MMP26: variants seen among roughly 807,000 people sequenced by gnomAD.
MMP26 encodes matrix metalloproteinase-26.
In MMP26, 33 loss-of-function variants were observed where a neutral mutation model predicts 31.0. The observed-to-expected ratio is 1.06, with a 90% CI of 0.81 to 1.42. MMP26 has a LOEUF of 1.42. MMP26 is among the 40% of genes most tolerant of loss of function. The pLI is 0.00. For synonymous variants in MMP26, 122 were observed against 114.9 expected, an observed-to-expected ratio of 1.06 and a Z score of -0.40; for missense variants, 347 against 316.1, an observed-to-expected ratio of 1.10 and a Z score of -0.74.
chr11:4,882,484 G>T, intron 2 of MMP26: 1 of 1,613,676 alleles, frequency 6.2e-7, no homozygotes, highest in East Asian at 2.2e-5. Flanking sequence ...CCAAACCTTG[G>T]ATCAGCAGTT....
chr11:4,864,149 G>A (rs1293533451), intron 2 of MMP26, among the ~76,000 whole-genome samples: 2 of 152,070 alleles, frequency 1.3e-5, no homozygotes, highest in Non-Finnish European at 2.9e-5. Flanking sequence ...TCTGGACTCC[G>A]CCCATCAGGA....
chr11:4,761,809 T>TGG (rs1848571552), intron 1 of MMP26, among the ~76,000 whole-genome samples: 2 of 152,198 alleles, frequency 1.3e-5, no homozygotes, highest in African/African-American at 4.8e-5. Context: ...GGTAATAGCA[T>TGG]AATGCCAGTT....
intron 2 of MMP26, chr11:4,769,028 T>C: frequency 6.5e-7 from 1 of 1,527,608 alleles, no homozygotes; most frequent in Non-Finnish European, 8.8e-7. Flanking sequence ...TTGTTTTGTT[T>C]TTACACTGTC....
chr11:4,795,718 A>T (rs996290185), intron 2 of MMP26, among the ~76,000 whole-genome samples: 1 of 152,206 alleles, frequency 6.6e-6, no homozygotes, highest in East Asian at 1.9e-4. Flanking sequence ...AAATTACTTT[A>T]TTATGCCTGT....
chr11:4,717,525 T>G (rs564249490), intron 1 of MMP26, among the ~76,000 whole-genome samples: 2,212 of 151,590 alleles, frequency 0.015, 58 homozygotes, highest in African/African-American at 0.051. Flanking sequence ...ATTTCCATGT[T>G]GTTTTTTTTT....
chr11:4,835,799 C>T (rs1322222316), intron 2 of MMP26, among the ~76,000 whole-genome samples: 1 of 152,106 alleles, frequency 6.6e-6, no homozygotes, highest in Non-Finnish European at 1.5e-5. Flanking sequence ...AAAGAAACTT[C>T]CAGCTATAAA....
rs1849604071 is a variant in MMP26 at position 4,828,255 on chromosome 11, C to G, written c.-145+60914C>G. Among the ~76,000 whole-genome samples the G allele has an allele frequency of 1.3e-5, 2 of 152,042 alleles. 1 individual carries two copies. The highest frequency in any genetic ancestry group is 4.1e-4 in the South Asian group (2 of 4,820). On this transcript the variant is annotated intron_variant, in intron 2 of 7. Transcript: ENST00000380390. Reference sequence around the variant, plus strand: ...TCTTCATTACCTGCTAAAAACTGCTCTAGGTTTAGGCTCAAGGTTTTCTGG... The same window carrying G: ...TCTTCATTACCTGCTAAAAACTGCTGTAGGTTTAGGCTCAAGGTTTTCTGG...
chr11:4,780,251 C>T (rs944207645), intron 2 of MMP26, among the ~76,000 whole-genome samples: 1 of 152,084 alleles, frequency 6.6e-6, no homozygotes, highest in Non-Finnish European at 1.5e-5. Flanking sequence ...GCAGTTTTAA[C>T]ATACATGACC....
chr11:4,799,186 A>C (rs1319500925), intron 2 of MMP26, among the ~76,000 whole-genome samples: 1 of 152,216 alleles, frequency 6.6e-6, no homozygotes, highest in Non-Finnish European at 1.5e-5. Flanking sequence ...TGAGACTTTA[A>C]GAAAATTACC....
intron 1 of MMP26, among the ~76,000 whole-genome samples, chr11:4,717,080 T>A (rs1847943921): frequency 6.6e-6 from 1 of 152,138 alleles, no homozygotes. Context: ...TCATGATGAT[T>A]TTCACTTATC....
At chr11:4,826,663 T>G (rs1217557304) in intron 2 of MMP26, among the ~76,000 whole-genome samples, 3 of 152,132 alleles carry the variant, frequency 2.0e-5, no homozygotes, top group East Asian at 3.9e-4. Flanking sequence ...TCTTCTCCTT[T>G]CAGTGTGCCT....
At chr11:4,764,489 C>A (rs1369353758) in intron 1 of MMP26, among the ~76,000 whole-genome samples, 1 of 152,104 alleles carries the variant, frequency 6.6e-6, no homozygotes, top group Non-Finnish European at 1.5e-5. Context: ...GTTAGGTATG[C>A]GACCCAAGCA....
chr11:4,953,986 G>A (rs1268634670), intron 2 of MMP26, among the ~76,000 whole-genome samples: 3 of 125,570 alleles, frequency 2.4e-5, no homozygotes, highest in South Asian at 2.4e-4. Context: ...CCTGGGAGGC[G>A]GAGGTTGCAG....
chr11:4,722,835 GAGCTGGAGCCGCGCCAGAGCCAA>G, intron 1 of MMP26: 1 of 895,824 alleles, frequency 1.1e-6, no homozygotes, highest in Non-Finnish European at 1.9e-6. Flanking sequence ...GTGGCTGAAG[GAGCTGGAGCCGCGCCAGAGCCAA>G]AGCTGGAGCC....
chr11:4,723,972 T>C, intron 1 of MMP26: 1 of 749,870 alleles, frequency 1.3e-6, no homozygotes, highest in Non-Finnish European at 2.4e-6. Flanking sequence ...TCTGGTTGAC[T>C]GTGTCAGTGG....
chr11:4,809,601 G>T (rs1208273050), intron 2 of MMP26, among the ~76,000 whole-genome samples: 1 of 152,172 alleles, frequency 6.6e-6, no homozygotes, highest in African/African-American at 2.4e-5. Flanking sequence ...TCACTTTGAG[G>T]TATCTGAAAA....
At chr11:4,967,268 T>C (rs72860822) in intron 2 of MMP26, among the ~76,000 whole-genome samples, 12,612 of 152,250 alleles carry the variant, frequency 0.083, 731 homozygotes, top group Middle Eastern at 0.22. Context: ...CTCTTTATAT[T>C]CAGCTCTCTT....
intron 2 of MMP26, chr11:4,943,091 C>G (rs982784316): frequency 1.9e-5 from 3 of 159,610 alleles, no homozygotes; most frequent in Non-Finnish European, 4.1e-5. Flanking sequence ...AAATGATGCT[C>G]CCCTTCGTCC....
chr11:4,819,944 T>C (rs1849472832), intron 2 of MMP26, among the ~76,000 whole-genome samples: 1 of 152,108 alleles, frequency 6.6e-6, no homozygotes, highest in Admixed American at 6.5e-5. Context: ...GGATACCTGA[T>C]TTTCTTGGCC....
Sources: gnomAD v4.1 joint callset for allele counts (sites outside exome capture counted in the v4.1 genomes callset) on GRCh38, gnomAD v4.1.1 for gene constraint, MANE v1.5 for transcripts, NCBI Gene and HGNC (gene_info 2026-07-23, HGNC 2026-07-21) for gene names.